Variants in GRM7 observed in about 807,000 individuals in gnomAD.
GRM7 encodes the protein metabotropic glutamate receptor 7.
Under a neutral mutation model 84.5 loss-of-function variants are expected in GRM7, and 35 were observed. That is an observed-to-expected ratio of 0.41 (90% CI 0.32 to 0.55). GRM7 has a LOEUF of 0.55. Ranked by LOEUF, GRM7 falls within the 20% of genes least tolerant of loss-of-function variation. GRM7 has a pLI of 0.19. For missense variants in GRM7, 1,003 were observed against 1,194.6 expected, an observed-to-expected ratio of 0.84 and a Z score of 2.36; for synonymous variants, 487 against 455.1, an observed-to-expected ratio of 1.07 and a Z score of -0.89.
At chr3:7,079,465 G>A (rs746943054) in intron 1 of GRM7, among the ~76,000 whole-genome samples, 1 of 152,076 alleles carries the variant, frequency 6.6e-6, no homozygotes, top group African/African-American at 2.4e-5. Flanking sequence ...ATGACTGTTA[G>A]AATAAAAAAT....
chr3:7,224,241 G>T (rs953560004), intron 2 of GRM7, among the ~76,000 whole-genome samples: 5 of 152,160 alleles, frequency 3.3e-5, no homozygotes, highest in Non-Finnish European at 7.3e-5. Flanking sequence ...AGGGAAGGGG[G>T]AGCGCATATA....
At chr3:7,071,366 T>C (rs1408984126) in intron 1 of GRM7, among the ~76,000 whole-genome samples, 1 of 152,156 alleles carries the variant, frequency 6.6e-6, no homozygotes, top group Non-Finnish European at 1.5e-5. Context: ...CTAGTTTTAT[T>C]GGGACAAAAC....
Position 7,401,561 on chromosome 3 carries a change from A to G in GRM7, c.1034-13462A>G, listed in dbSNP as rs576869553. Among the ~76,000 whole-genome samples, 3 of 152,286 alleles carry G rather than the reference A, an allele frequency of 2.0e-5. No individual in the cohort carries two copies. The South Asian group carries it at 6.2e-4, about 32-fold the overall frequency. ...ACCAATCTGGCGGCAGATTGAAGTT[A>G]TATTTCTGCAACACCAATTACCTAG... On this transcript the variant is annotated intron_variant, in intron 4 of 9. Coordinates refer to ENST00000357716, the MANE Select transcript of GRM7 (RefSeq NM_000844.4).
At chr3:7,322,834 A>G (rs999109637) in intron 4 of GRM7, among the ~76,000 whole-genome samples, 20 of 152,020 alleles carry the variant, frequency 1.3e-4, no homozygotes, top group African/African-American at 4.8e-4. Context: ...TTGAAGCACA[A>G]AATTCGTTAT....
intron 4 of GRM7, among the ~76,000 whole-genome samples, chr3:7,358,855 C>T (rs116785785): frequency 1.3e-5 from 2 of 151,766 alleles, no homozygotes; most frequent in Non-Finnish European, 2.9e-5. Flanking sequence ...CAGTGGCTCA[C>T]GCCTATAATC....
chr3:7,577,047 C>T (rs1482328269), intron 7 of GRM7, among the ~76,000 whole-genome samples: 1 of 152,166 alleles, frequency 6.6e-6, no homozygotes, highest in Non-Finnish European at 1.5e-5. Flanking sequence ...GCCATCAGCA[C>T]TAGCCATCTT....
chr3:7,555,686 T>C (rs1693722751), intron 7 of GRM7, among the ~76,000 whole-genome samples: 1 of 152,206 alleles, frequency 6.6e-6, no homozygotes, highest in Non-Finnish European at 1.5e-5. Flanking sequence ...CTGACACTTA[T>C]ATTTAAGGCA....
chr3:6,934,745 A>G (rs1194206095), intron 1 of GRM7, among the ~76,000 whole-genome samples: 2 of 152,130 alleles, frequency 1.3e-5, no homozygotes, highest in African/African-American at 4.8e-5. Context: ...TTCAGTTCAG[A>G]AACATATTTA....
At chr3:6,998,390 A>G (rs1272498539) in intron 1 of GRM7, among the ~76,000 whole-genome samples, 1 of 152,108 alleles carries the variant, frequency 6.6e-6, no homozygotes, top group Non-Finnish European at 1.5e-5. Context: ...GTCCCCCCCA[A>G]AGTTGCTTTC....
intron 1 of GRM7, among the ~76,000 whole-genome samples, chr3:7,042,629 A>G (rs1215917185): frequency 1.3e-5 from 2 of 151,494 alleles, no homozygotes; most frequent in Non-Finnish European, 2.9e-5. Flanking sequence ...TATCTGGAGT[A>G]TTTTTTTCTT....
chr3:7,236,796 A>T (rs539600146), intron 2 of GRM7, among the ~76,000 whole-genome samples: 8 of 152,290 alleles, frequency 5.3e-5, no homozygotes, highest in Non-Finnish European at 1.2e-4. Flanking sequence ...CATATGCTTT[A>T]GCCCTAAAAG....
At chr3:7,730,369 G>GT (rs750848896) in intron 9 of GRM7, among the ~76,000 whole-genome samples, 12 of 152,164 alleles carry the variant, frequency 7.9e-5, no homozygotes, top group South Asian at 6.2e-4. Flanking sequence ...TTTAAGCTCT[G>GT]TGAAAGCAGG....
intron 2 of GRM7, among the ~76,000 whole-genome samples, chr3:7,298,128 G>A (rs1437007915): frequency 1.3e-5 from 2 of 152,140 alleles, no homozygotes; most frequent in Non-Finnish European, 2.9e-5. Context: ...CACATAGTAT[G>A]TTGTCAATAA....
rs117108358 is a variant in GRM7 at position 7,209,378 on chromosome 3, G to T, written c.736+62710G>T. Among the ~76,000 whole-genome samples the T allele has an allele frequency of 2.4e-3, 366 of 152,272 alleles. 5 individuals carry two copies. In the East Asian group the frequency reaches 0.028, roughly 12 times the overall value. On this transcript the variant is annotated intron_variant, in intron 2 of 9. Transcript: ENST00000357716. The stretch of plus-strand genomic sequence containing the variant: ...GGAACTTGAGATATATTTGAGTGAA[G>T]AAATGAATGAAGTGGAGGATCCAAG...
intron 8 of GRM7, among the ~76,000 whole-genome samples, chr3:7,619,921 T>C (rs1188932079): frequency 6.6e-6 from 1 of 152,150 alleles, no homozygotes; most frequent in African/African-American, 2.4e-5. Context: ...ACTTCTGCAG[T>C]CCAATGACGT....
At chr3:7,107,485 A>T (rs1344957351) in intron 1 of GRM7, among the ~76,000 whole-genome samples, 2 of 152,066 alleles carry the variant, frequency 1.3e-5, no homozygotes, top group Non-Finnish European at 2.9e-5. Flanking sequence ...TATAACAAAG[A>T]TGTGTACCAG....
At chr3:6,912,592 G>A (rs562563930) in intron 1 of GRM7, among the ~76,000 whole-genome samples, 276 of 152,186 alleles carry the variant, frequency 1.8e-3, no homozygotes, top group Non-Finnish European at 2.9e-3. Context: ...TGATTCTATG[G>A]TTGGAATGCT....
At chr3:7,687,868 C>T (rs956542906) in intron 9 of GRM7, among the ~76,000 whole-genome samples, 2 of 152,086 alleles carry the variant, frequency 1.3e-5, no homozygotes, top group African/African-American at 4.8e-5. Flanking sequence ...ATGCCAGTAA[C>T]TCGGTCTTTA....
At chr3:7,411,907 C>T (rs1695954277) in intron 4 of GRM7, among the ~76,000 whole-genome samples, 1 of 151,988 alleles carries the variant, frequency 6.6e-6, no homozygotes, top group Non-Finnish European at 1.5e-5. Context: ...CTTATTTGCA[C>T]TCTCAGCAAC....
Sources: gnomAD v4.1 joint callset for allele counts (sites outside exome capture counted in the v4.1 genomes callset) on GRCh38, gnomAD v4.1.1 for gene constraint, MANE v1.5 for transcripts, NCBI Gene and HGNC (gene_info 2026-07-23, HGNC 2026-07-21) for gene names.